The following STS variants were observed in gnomAD, a reference collection of about 807,000 sequenced individuals.
STS encodes the protein steryl-sulfatase.
In STS, 7 loss-of-function variants were observed where a neutral mutation model predicts 26.8. The ratio of observed to expected loss-of-function variants is 0.26; its 90% CI spans 0.15 to 0.49. STS has a LOEUF of 0.49. STS is among the 20% of genes least tolerant of loss of function. The probability of loss-of-function intolerance (pLI) is 0.98; values close to 1 mark genes in which losing one functional copy is unlikely to be tolerated. For missense variants in STS, 434 were observed against 465.6 expected (o/e 0.93, Z 0.63); for synonymous variants, 199 against 189.4 (o/e 1.05, Z -0.42).
intron 10 of STS, 92 bp downstream of exon 10, chrX:7,334,199 T>C: frequency 1.7e-6 from 2 of 1,144,493 alleles, no homozygotes; most frequent in Non-Finnish European, 2.4e-6. Context: ...GTGGCTCTGC[T>C]CAATGGAGGC....
chrX:7,265,087 G>A (rs1352303541), intron 6 of STS, among the ~76,000 whole-genome samples: 2 of 107,383 alleles, frequency 1.9e-5, no homozygotes, highest in African/African-American at 6.8e-5. Context: ...GTATCAATGG[G>A]TCACAGTCTA....
intron 3 of STS, among the ~76,000 whole-genome samples, chrX:7,255,533 GA>G (rs1311677190): frequency 9.0e-6 from 1 of 111,654 alleles, no homozygotes; most frequent in Non-Finnish European, 1.9e-5. Flanking sequence ...ATTATCAAAA[GA>G]AAAAATGTCT....
intron 1 of STS, among the ~76,000 whole-genome samples, chrX:7,149,494 C>T (rs1273457081): frequency 8.9e-6 from 1 of 111,790 alleles, no homozygotes; most frequent in Non-Finnish European, 1.9e-5. Flanking sequence ...AGAGCTTCCC[C>T]CATTTAATGC....
At chrX:7,232,715 T>C (rs1169737224) in intron 2 of STS, among the ~76,000 whole-genome samples, 1 of 111,539 alleles carries the variant, frequency 9.0e-6, no homozygotes, top group African/African-American at 3.3e-5. Context: ...AGTGATGTAG[T>C]AAAAAAGGGA....
At chrX:7,246,754 T>C (rs1922902293) in intron 2 of STS, among the ~76,000 whole-genome samples, 1 of 112,194 alleles carries the variant, frequency 8.9e-6, no homozygotes, top group Non-Finnish European at 1.9e-5. Context: ...ATCCATTAGT[T>C]ACACTCTCAG....
At chrX:7,181,918 A>T (rs1933688333) in intron 1 of STS, among the ~76,000 whole-genome samples, 1 of 110,932 alleles carries the variant, frequency 9.0e-6, no homozygotes, top group African/African-American at 3.3e-5. Context: ...AAACAAACAA[A>T]CAAAAAAATA....
intron 7 of STS, among the ~76,000 whole-genome samples, chrX:7,284,205 A>G (rs1329026708): frequency 2.7e-5 from 3 of 112,049 alleles, no homozygotes; most frequent in African/African-American, 6.5e-5. Flanking sequence ...TGAGCTTCCA[A>G]TATTATCAAA....
At position 7,325,432 on chromosome X, in the gene STS, C is replaced by T. The variant is rs775158326; in HGVS notation, c.1175C>T (p.Pro392Leu). ...CAGGCTGGCCAGAAGATTGATGAGC[C>T]CACTAGCAACATGGACATATTTCCT... ...VIQAGQKIDE[P>L]TSNMDIFPTV... The change falls in exon 9 of 11, where the codon CCC becomes CTC. Residue 392 changes from proline to leucine, a missense_variant. By Grantham distance (98) the Pro-to-Leu change is moderately conservative. Around this residue, in one of 2 missense-constraint regions of STS, gnomAD observed 205 missense variants for 177.3 expected, o/e 1.16. Coordinates refer to ENST00000674429, the MANE Select transcript of STS (RefSeq NM_001320752.2). The T allele has an allele frequency of 1.7e-6, 2 of 1,211,267 alleles. No individual in the cohort carries two copies. Among genetic ancestry groups the T allele is most frequent in the East Asian group, 5.9e-5 (2 of 33,792 alleles).
chrX:7,205,886 G>C (rs1199664633), intron 2 of STS, among the ~76,000 whole-genome samples: 1 of 107,920 alleles, frequency 9.3e-6, no homozygotes, highest in Non-Finnish European at 1.9e-5. Flanking sequence ...AACATGCTGG[G>C]ATTACAGGTG....
intron 6 of STS, among the ~76,000 whole-genome samples, chrX:7,268,046 A>G (rs1358819663): frequency 9.1e-6 from 1 of 109,774 alleles, no homozygotes; most frequent in East Asian, 2.9e-4. Context: ...CTCCCTGACA[A>G]CTCTCCACAG....
At chrX:7,288,799 AGT>A (rs1430273512) in intron 7 of STS, among the ~76,000 whole-genome samples, 1 of 110,354 alleles carries the variant, frequency 9.1e-6, no homozygotes, top group African/African-American at 3.3e-5. Flanking sequence ...TTGGTGGCCC[AGT>A]GTTATACTTT....
intron 8 of STS, among the ~76,000 whole-genome samples, chrX:7,315,940 A>G (rs1369656220): frequency 9.0e-6 from 1 of 111,151 alleles, no homozygotes; most frequent in African/African-American, 3.3e-5. Context: ...ACATCCTTCA[A>G]TCCAATCAAG....
At chrX:7,154,752 GA>G (rs1308519425) in intron 1 of STS, among the ~76,000 whole-genome samples, 1 of 110,791 alleles carries the variant, frequency 9.0e-6, no homozygotes, top group African/African-American at 3.3e-5. Flanking sequence ...ACCACAACGT[GA>G]ATAGATAATA....
At chrX:7,155,592 T>C (rs1440573071) in intron 1 of STS, among the ~76,000 whole-genome samples, 2 of 112,100 alleles carry the variant, frequency 1.8e-5, no homozygotes, top group Non-Finnish European at 3.8e-5. Flanking sequence ...AATGCCTTTA[T>C]ATATAACTTA....
chrX:7,174,137 A>G (rs766987261), intron 1 of STS, among the ~76,000 whole-genome samples: 1 of 112,169 alleles, frequency 8.9e-6, no homozygotes, highest in African/African-American at 3.2e-5. Context: ...AGAAGGGAAA[A>G]AAAGAAGCAT....
chrX:7,326,043 G>C (rs944362211), intron 9 of STS, among the ~76,000 whole-genome samples: 1 of 111,788 alleles, frequency 8.9e-6, no homozygotes, highest in African/African-American at 3.3e-5. Context: ...GGGATCAGGG[G>C]TTTTGGTTCT....
At chrX:7,191,711 C>CAAAAA (rs779502659) in intron 2 of STS, among the ~76,000 whole-genome samples, 15 of 107,672 alleles carry the variant, frequency 1.4e-4, no homozygotes, top group African/African-American at 4.8e-4. Context: ...AGTGCTTTTT[C>CAAAAA]CCCTGGTGGA....
At chrX:7,177,384 T>C (rs929990076) in intron 1 of STS, among the ~76,000 whole-genome samples, 2 of 89,701 alleles carry the variant, frequency 2.2e-5, no homozygotes, top group Non-Finnish European at 2.2e-5. Context: ...AAACAAGTAA[T>C]GTGAACATGA....
intron 2 of STS, among the ~76,000 whole-genome samples, chrX:7,249,166 T>C (rs1406904027): frequency 1.8e-5 from 2 of 110,457 alleles, no homozygotes; most frequent in African/African-American, 6.6e-5. Context: ...ATTAGAGAAA[T>C]TGGTTGACAT....
Sources: gnomAD v4.1 joint callset for allele counts (sites outside exome capture counted in the v4.1 genomes callset) on GRCh38, gnomAD v4.1.1 for gene constraint, gnomAD v4.1.1 regional missense constraint, MANE v1.5 for transcripts, NCBI Gene and HGNC (gene_info 2026-07-23, HGNC 2026-07-21) for gene names.